Variants in PROX1 observed in about 807,000 individuals in gnomAD.
PROX1 encodes prospero homeobox protein 1.
A neutral mutation model predicts 58.8 loss-of-function variants in PROX1; 7 were observed. That is an observed-to-expected ratio of 0.12 (90% CI 0.07 to 0.22). The LOEUF (loss-of-function observed/expected upper bound fraction) is 0.22, where lower values mean the gene tolerates loss of function less well. Among genes scored for constraint, PROX1 ranks in the 10% least tolerant of loss-of-function variants. The pLI is 1.00. For synonymous variants in PROX1, 350 were observed against 358.3 expected (o/e 0.98, Z 0.26); for missense variants, 675 against 927.8 (o/e 0.73, Z 3.54).
Position 213,989,054 on chromosome 1 carries a change from C to T in PROX1, c.-68+571C>T, listed in dbSNP as rs536332082. ...TCTTTGTCTTGTTTATTATAGCTGC[C>T]TTTCTTCCCGGCTCTTCCAATTTGC... On this transcript the variant is annotated intron_variant, in intron 1 of 4. Transcript: ENST00000366958. Among the ~76,000 whole-genome samples, 5 of 152,278 alleles carry T rather than the reference C, an allele frequency of 3.3e-5. No individual in the cohort carries two copies. In the East Asian group the frequency reaches 9.7e-4, roughly 30 times the overall value.
chr1:213,996,743 C>T lies in PROX1; in HGVS notation c.208C>T (p.Leu70Phe), dbSNP rs766992489. The change falls in exon 2 of 5, where the codon CTC becomes TTC. Residue 70 changes from leucine (L) to phenylalanine (F), a missense_variant. By Grantham distance (22) the Leu-to-Phe change is conservative (BLOSUM62 0). Coordinates refer to ENST00000366958, the MANE Select transcript of PROX1 (RefSeq NM_001270616.2). ...TGCAGATGGGGAAAAGTCAAATGTA[C>T]TCCGCAAGCTGCTGAAGAGGGCGAA... The part of the protein sequence containing the change: ...QHADGEKSNV[L>F]RKLLKRANSY... The T allele has an allele frequency of 5.0e-6, 8 of 1,614,060 alleles. No homozygotes were observed. Among genetic ancestry groups the T allele is most frequent in the East Asian group, 4.5e-5 (2 of 44,896 alleles).
At chr1:213,988,744 AT>A (rs1217116337) in intron 1 of PROX1, 1 of 151,932 alleles carries the variant, frequency 6.6e-6, no homozygotes, top group Non-Finnish European at 1.5e-5. Context: ...CTTGGCTTTT[AT>A]TTCTTTCTCT....
At chr1:214,022,564 A>G (rs547397795) in intron 4 of PROX1, among the ~76,000 whole-genome samples, 1 of 152,336 alleles carries the variant, frequency 6.6e-6, no homozygotes, top group South Asian at 2.1e-4. Flanking sequence ...TGAAAAGGCG[A>G]CACTAGCCTG....
chr1:214,024,457 C>T (rs1431685465), intron 4 of PROX1, among the ~76,000 whole-genome samples: 2 of 152,162 alleles, frequency 1.3e-5, no homozygotes, highest in African/African-American at 2.4e-5. Context: ...AAGCTATTGC[C>T]AGCAGAGTGC....
chr1:214,017,693 C>A lies in PROX1; in HGVS notation c.2028+5978C>A, dbSNP rs372898840. On this transcript the variant is annotated intron_variant, in intron 4 of 4. Transcript: ENST00000366958. ...TCCTCCCTCACCTCCCGCACCCCCC[C>A]ACAAATGATCTATTGGCTCTCTCGG... Among the ~76,000 whole-genome samples the A allele has an allele frequency of 1.1e-4, 17 of 152,204 alleles. No homozygotes were observed. In the East Asian group the frequency reaches 1.7e-3, roughly 16 times the overall value.
intron 4 of PROX1, among the ~76,000 whole-genome samples, chr1:214,026,134 C>T (rs1305140198): frequency 6.6e-6 from 1 of 152,084 alleles, no homozygotes; most frequent in Non-Finnish European, 1.5e-5. Context: ...ATGCTTTTTC[C>T]TTGATTTTGC....
rs944027330 is a variant in PROX1 at position 213,996,702 on chromosome 1, A to G, written c.167A>G (p.Tyr56Cys). 2.5e-6 allele frequency: 4 copies of G among 1,614,072 alleles called. No individual in the cohort carries two copies. Among genetic ancestry groups the G allele is most frequent in the Admixed American group, 3.3e-5 (2 of 60,000 alleles). Residue 56 changes from tyrosine to cysteine, a missense_variant, in exon 2 of 5, where the codon TAT becomes TGT. This residue lies in a region of PROX1 where 157 missense variants were observed against 197.8 expected (regional missense o/e 0.79). Coordinates refer to ENST00000366958, the MANE Select transcript of PROX1 (RefSeq NM_001270616.2). ...NPQGSEQDVEYSVVQHADGEK... is the reference protein window; with the variant it reads ...NPQGSEQDVECSVVQHADGEK... ...CAAGGTTCTGAGCAGGATGTTGAGT[A>G]TTCAGTGGTGCAGCATGCAGATGGG...
At chr1:214,006,843 G>A (rs1239803341) in intron 3 of PROX1, among the ~76,000 whole-genome samples, 1 of 152,146 alleles carries the variant, frequency 6.6e-6, no homozygotes, top group East Asian at 1.9e-4. Flanking sequence ...GATCTTCAGT[G>A]TTGTGAAATA....
At chr1:214,003,045 AT>A (rs1663580012) in intron 2 of PROX1, among the ~76,000 whole-genome samples, 2 of 152,214 alleles carry the variant, frequency 1.3e-5, no homozygotes, top group Admixed American at 1.3e-4. Flanking sequence ...AATCAGAATA[AT>A]TTTTTGTTAG....
At chr1:214,021,761 C>G (rs1664287605) in intron 4 of PROX1, among the ~76,000 whole-genome samples, 2 of 152,194 alleles carry the variant, frequency 1.3e-5, no homozygotes, top group Non-Finnish European at 2.9e-5. Context: ...TAAAATGATC[C>G]TATGAGACCA....
At chr1:214,012,056 C>A (rs1280078958) in intron 4 of PROX1, among the ~76,000 whole-genome samples, 3 of 152,150 alleles carry the variant, frequency 2.0e-5, no homozygotes, top group African/African-American at 7.2e-5. Context: ...CTCCAATAGA[C>A]CTTTTTCATA....
rs759109967 is a variant in PROX1, at chr1:213,998,158, A to G, written c.1623A>G (p.Ala541=). ...HHLSHHPCSP[A]HPPSTAEGLS... ...TGAGCCACCACCCTTGTTCACCAGC[A>G]CACCCGCCCAGCACCGCCGAAGGGC... is the stretch of plus-strand genomic sequence containing the variant. The change falls in exon 2 of 5, where the codon GCA becomes GCG. Residue 541 remains alanine (A), a synonymous_variant. Coordinates refer to ENST00000366958, the MANE Select transcript of PROX1 (RefSeq NM_001270616.2). 2 of 1,614,084 alleles carry G rather than the reference A, an allele frequency of 1.2e-6. No individual in the cohort carries two copies. The highest frequency in any genetic ancestry group is 1.3e-5 in the African/African-American group (1 of 74,948).
chr1:214,000,420 T>C (rs1663462588), intron 2 of PROX1, among the ~76,000 whole-genome samples: 1 of 152,244 alleles, frequency 6.6e-6, no homozygotes, highest in Non-Finnish European at 1.5e-5. Flanking sequence ...TAGTTGCTTC[T>C]TCTTCAGAGG....
intron 1 of PROX1, among the ~76,000 whole-genome samples, chr1:213,989,494 G>C (rs779812525): frequency 6.6e-6 from 1 of 152,036 alleles, no homozygotes. Flanking sequence ...GTCTGGTCTC[G>C]TCTGGGTGGT....
At chr1:213,993,273 AT>A (rs1346084435) in intron 1 of PROX1, among the ~76,000 whole-genome samples, 3 of 152,218 alleles carry the variant, frequency 2.0e-5, no homozygotes, top group African/African-American at 7.2e-5. Flanking sequence ...ATCCTTGCTG[AT>A]TTGGACATCC....
At chr1:214,002,797 C>A (rs1046121611) in intron 2 of PROX1, among the ~76,000 whole-genome samples, 9 of 152,076 alleles carry the variant, frequency 5.9e-5, no homozygotes, top group African/African-American at 1.9e-4. Context: ...GGAAATTAAC[C>A]AATTGGTCAG....
At position 214,038,299 on chromosome 1, in the gene PROX1, G is replaced by T. The variant is rs930847283; in HGVS notation, c.*2465G>T. On this transcript the variant is annotated 3_prime_UTR_variant, in exon 5 of 5. Coordinates refer to ENST00000366958, the MANE Select transcript of PROX1 (RefSeq NM_001270616.2). ...AACTTTATCACTATGCTTTCCGGTG[G>T]TTTTCCCTTTTACAATCGAAATCTT... is the stretch of plus-strand genomic sequence containing the variant. 2 of 151,962 alleles carry T rather than the reference G, an allele frequency of 1.3e-5. No individual in the cohort carries two copies. Among genetic ancestry groups the T allele is most frequent in the Non-Finnish European group, 2.9e-5 (2 of 67,982 alleles). The allele number at this position is 151,962 out of a possible 1,614,324, so 9.4% of individuals were successfully genotyped here. A position where few individuals can be genotyped will look rare whatever the true frequency, so the allele number is the denominator to read the frequency against.
intron 2 of PROX1, among the ~76,000 whole-genome samples, chr1:214,002,530 G>A (rs72753597): frequency 0.029 from 4,351 of 149,304 alleles, 82 homozygotes; most frequent in Non-Finnish European, 0.046. Context: ...TAAGAGAATT[G>A]AGGCACAGCC....
intron 4 of PROX1, among the ~76,000 whole-genome samples, chr1:214,031,083 G>A (rs896123737): frequency 7.9e-5 from 12 of 151,460 alleles, no homozygotes; most frequent in Non-Finnish European, 7.4e-5. Flanking sequence ...GCGCGCATTC[G>A]CGCACGCACA....
Sources: gnomAD v4.1 joint callset for allele counts (sites outside exome capture counted in the v4.1 genomes callset) on GRCh38, gnomAD v4.1.1 for gene constraint, gnomAD v4.1.1 regional missense constraint, MANE v1.5 for transcripts, NCBI Gene and HGNC (gene_info 2026-07-23, HGNC 2026-07-21) for gene names.